Variants in DAPK1 observed in about 807,000 individuals in gnomAD.
The protein encoded by DAPK1 is death-associated protein kinase 1.
In DAPK1, 56 loss-of-function variants were observed where a neutral mutation model predicts 144.9. The observed-to-expected ratio is 0.39, with a 90% CI of 0.31 to 0.48. The LOEUF is 0.48. Ranked by LOEUF, DAPK1 falls within the 20% of genes least tolerant of loss-of-function variation. DAPK1 has a pLI of 0.95. For synonymous variants in DAPK1, 690 were observed against 749.0 expected (o/e 0.92, Z 1.29); for missense variants, 1,454 against 1,875.4 (o/e 0.78, Z 4.15).
intron 2 of DAPK1, among the ~76,000 whole-genome samples, chr9:87,534,104 C>T (rs1257074969): frequency 1.5e-4 from 11 of 74,416 alleles, no homozygotes; most frequent in East Asian, 5.8e-4. Context: ...CAATTTCTTG[C>T]GATTTTTTTT....
intron 11 of DAPK1, among the ~76,000 whole-genome samples, chr9:87,644,566 G>C (rs1371009849): frequency 6.6e-6 from 1 of 152,138 alleles, no homozygotes; most frequent in African/African-American, 2.4e-5. Flanking sequence ...AAGAGAAGCA[G>C]ATTAGGGCGA....
chr9:87,656,403 T>C (rs1339430221), intron 17 of DAPK1, among the ~76,000 whole-genome samples: 9 of 152,206 alleles, frequency 5.9e-5, no homozygotes, highest in Admixed American at 5.9e-4. Context: ...TCACACTCTC[T>C]TCCTCAGCTT....
chr9:87,558,364 C>A (rs940514267), intron 2 of DAPK1, among the ~76,000 whole-genome samples: 2 of 152,242 alleles, frequency 1.3e-5, no homozygotes, highest in Admixed American at 1.3e-4. Flanking sequence ...AGGATATACC[C>A]ACAGATCAAC....
At chr9:87,676,620 C>T (rs541044674) in intron 19 of DAPK1, among the ~76,000 whole-genome samples, 6 of 152,342 alleles carry the variant, frequency 3.9e-5, no homozygotes, top group African/African-American at 9.6e-5. Context: ...TCTAGATCAG[C>T]GCAGTTTCCT....
intron 3 of DAPK1, chr9:87,633,152 A>T: frequency 1.0e-6 from 1 of 983,532 alleles, no homozygotes; most frequent in Middle Eastern, 5.2e-4. Context: ...GGGATGAAGG[A>T]GGATGAGTAT....
At chr9:87,531,399 C>T (rs1825694208) in intron 2 of DAPK1, among the ~76,000 whole-genome samples, 1 of 152,162 alleles carries the variant, frequency 6.6e-6, no homozygotes, top group Non-Finnish European at 1.5e-5. Flanking sequence ...ATAGAGTATA[C>T]TTTGTAATTT....
Position 87,650,106 on chromosome 9 carries a change from T to A in DAPK1, c.1614T>A (p.Asn538Lys). Residue 538 changes from asparagine to lysine, a missense_variant, in exon 16 of 26, where the codon AAT (asparagine) becomes AAA (lysine). Physicochemically the swap from Asn to Lys is moderately conservative, Grantham distance 94 (BLOSUM62 0). Coordinates refer to ENST00000408954, the MANE Select transcript of DAPK1 (RefSeq NM_004938.4). The stretch of plus-strand genomic sequence containing the variant: ...TGGCCGAACATGGAGCCGACCTTAA[T>A]GCTTGCGACAAGGTGCCTTATGGGG... Reference protein sequence around the residue: ...ECLAEHGADLNACDKDGHIAL... With the variant: ...ECLAEHGADLKACDKDGHIAL... The A allele has an allele frequency of 1.2e-6, 2 of 1,614,070 alleles. No homozygotes were observed. Among genetic ancestry groups the A allele is most frequent in the Non-Finnish European group, 1.7e-6 (2 of 1,180,022 alleles).
chr9:87,649,583 G>T (rs958807669), intron 15 of DAPK1, among the ~76,000 whole-genome samples: 1 of 152,190 alleles, frequency 6.6e-6, no homozygotes, highest in African/African-American at 2.4e-5. Context: ...CTGCACGAAG[G>T]CTCTATTGTT....
chr9:87,704,463 TTTGA>T (rs1187668507), intron 25 of DAPK1, among the ~76,000 whole-genome samples: 2 of 152,214 alleles, frequency 1.3e-5, no homozygotes, highest in Non-Finnish European at 2.9e-5. Context: ...GTGGCCCGAC[TTTGA>T]TTGGCCCCGG....
Position 87,650,133 on chromosome 9 carries a change from A to G in DAPK1, c.1626+15A>G. On this transcript the variant is annotated intron_variant, in intron 16 of 25. Coordinates refer to ENST00000408954, the MANE Select transcript of DAPK1 (RefSeq NM_004938.4). ...CTTGCGACAAGGTGCCTTATGGGGG[A>G]AGACTCATATGCACTGGGAAGTGAT... 6.2e-7 allele frequency: 1 copy of G among 1,613,546 alleles called. No homozygotes were observed. The highest frequency in any genetic ancestry group is 8.5e-7 in the Non-Finnish European group (1 of 1,179,828).
intron 2 of DAPK1, among the ~76,000 whole-genome samples, chr9:87,581,054 G>A (rs559045675): frequency 3.6e-4 from 55 of 152,148 alleles, no homozygotes; most frequent in Non-Finnish European, 7.2e-4. Flanking sequence ...GATAGCTATC[G>A]CGTAACTTAT....
intron 21 of DAPK1, among the ~76,000 whole-genome samples, chr9:87,692,046 G>A (rs1825072735): frequency 6.6e-6 from 1 of 152,100 alleles, no homozygotes; most frequent in Non-Finnish European, 1.5e-5. Flanking sequence ...TTAATTTTCT[G>A]TCTGTATAAT....
intron 3 of DAPK1, among the ~76,000 whole-genome samples, chr9:87,614,377 C>A (rs1464629878): frequency 6.6e-6 from 1 of 152,150 alleles, no homozygotes; most frequent in African/African-American, 2.4e-5. Context: ...TATTTGGAAT[C>A]TCTGTTTATC....
intron 17 of DAPK1, among the ~76,000 whole-genome samples, chr9:87,653,496 C>CGT (rs1045042931): frequency 2.6e-5 from 4 of 151,580 alleles, no homozygotes; most frequent in Non-Finnish European, 5.9e-5. Context: ...ATGGAAATCC[C>CGT]GTGTGTGTGT....
At chr9:87,511,668 T>TTGTGTGTGTGTGTGTGTGTGTGTGTGTG in intron 2 of DAPK1, among the ~76,000 whole-genome samples, 1 of 140,744 alleles carries the variant, frequency 7.1e-6, no homozygotes, top group Admixed American at 7.2e-5. Context: ...TCTTTTTCTT[T>TTGTGTGTGTGTGTGTGTGTGTGTGTGTG]TGTGTGTGTG....
chr9:87,502,145 G>T (rs1332110343), intron 2 of DAPK1, among the ~76,000 whole-genome samples: 1 of 152,044 alleles, frequency 6.6e-6, no homozygotes, highest in Non-Finnish European at 1.5e-5. Context: ...CTTTGGGAGG[G>T]GATGCCTTAT....
At chr9:87,554,213 A>G (rs1360770293) in intron 2 of DAPK1, 3 of 152,358 alleles carry the variant, frequency 2.0e-5, no homozygotes, top group East Asian at 3.9e-4. Flanking sequence ...ATCCATTAAA[A>G]TTTCCACTTG....
intron 2 of DAPK1, among the ~76,000 whole-genome samples, chr9:87,518,146 C>T (rs1825148370): frequency 7.3e-6 from 1 of 137,724 alleles, no homozygotes; most frequent in Non-Finnish European, 1.5e-5. Context: ...GAGTCTGGCT[C>T]TATCACCCAG....
At chr9:87,533,089 A>G (rs1439369964) in intron 2 of DAPK1, among the ~76,000 whole-genome samples, 1 of 152,250 alleles carries the variant, frequency 6.6e-6, no homozygotes, top group Non-Finnish European at 1.5e-5. Context: ...AATGTAATTA[A>G]GGCCTGGCTT....
Sources: allele counts gnomAD v4.1 joint callset (sites outside exome capture counted in the v4.1 genomes callset), GRCh38; gene constraint gnomAD v4.1.1; transcripts MANE v1.5; gene names NCBI Gene and HGNC (gene_info 2026-07-23, HGNC 2026-07-21).